Variants in TAOK3 observed in about 807,000 individuals in gnomAD.
TAOK3 encodes serine/threonine-protein kinase TAO3.
In TAOK3, 40 loss-of-function variants were observed where a neutral mutation model predicts 120.4. That is an observed-to-expected ratio of 0.33 (90% CI 0.26 to 0.43). The LOEUF is 0.43. TAOK3 is among the 20% of genes least tolerant of loss of function. TAOK3 has a pLI of 1.00. For missense variants in TAOK3, 821 were observed against 1,112.1 expected, an observed-to-expected ratio of 0.74 and a Z score of 3.72; for synonymous variants, 355 against 387.5, an observed-to-expected ratio of 0.92 and a Z score of 0.99.
At chr12:118,267,225 AT>A (rs2041488808) in intron 1 of TAOK3, among the ~76,000 whole-genome samples, 1 of 151,576 alleles carries the variant, frequency 6.6e-6, no homozygotes, top group East Asian at 1.9e-4. Flanking sequence ...TTATTTATTT[AT>A]TTTTTTTGAG....
chr12:118,303,544 T>C (rs949584952), intron 1 of TAOK3, among the ~76,000 whole-genome samples: 1 of 152,250 alleles, frequency 6.6e-6, no homozygotes, highest in Non-Finnish European at 1.5e-5. Flanking sequence ...TTAACGTCCA[T>C]TTACAAACTT....
chr12:118,208,062 T>C (rs1434342409), intron 11 of TAOK3, among the ~76,000 whole-genome samples: 1 of 152,212 alleles, frequency 6.6e-6, no homozygotes, highest in African/African-American at 2.4e-5. Context: ...AATGTTATTG[T>C]CCATCTACTT....
intron 1 of TAOK3, among the ~76,000 whole-genome samples, chr12:118,284,561 G>A (rs1433277571): frequency 6.6e-6 from 1 of 152,176 alleles, no homozygotes; most frequent in Non-Finnish European, 1.5e-5. Flanking sequence ...ATGGGAGAAA[G>A]ATAATGACTG....
At chr12:118,331,876 G>C (rs1458724166) in intron 1 of TAOK3, among the ~76,000 whole-genome samples, 1 of 146,104 alleles carries the variant, frequency 6.8e-6, no homozygotes. Flanking sequence ...ACCCAGGCTC[G>C]AGTGCAATGG....
intron 1 of TAOK3, among the ~76,000 whole-genome samples, chr12:118,321,398 C>T (rs774493252): frequency 6.6e-6 from 1 of 152,074 alleles, no homozygotes. Flanking sequence ...GAAGCTGGGG[C>T]TACTGGTGCA....
chr12:118,252,509 T>C (rs2040799405), intron 3 of TAOK3, among the ~76,000 whole-genome samples: 1 of 152,118 alleles, frequency 6.6e-6, no homozygotes, highest in Non-Finnish European at 1.5e-5. Context: ...GTGGTGTTTT[T>C]ACACAGAGAT....
chr12:118,243,173 A>G (rs140802217), intron 5 of TAOK3, among the ~76,000 whole-genome samples: 2,356 of 152,254 alleles, frequency 0.015, 112 homozygotes, highest in Admixed American at 0.097. Context: ...AATGATGTCA[A>G]CTTTTCACCA....
chr12:118,331,404 G>A (rs1566129002), intron 1 of TAOK3, among the ~76,000 whole-genome samples: 1 of 152,104 alleles, frequency 6.6e-6, no homozygotes, highest in Admixed American at 6.5e-5. Context: ...CAGCACTTTG[G>A]GAGGCCGAGG....
At chr12:118,191,796 T>C (rs1033111193) in intron 13 of TAOK3, among the ~76,000 whole-genome samples, 10 of 152,272 alleles carry the variant, frequency 6.6e-5, no homozygotes, top group Middle Eastern at 6.8e-3. Flanking sequence ...ATGTACAAAA[T>C]TCAACTTAAT....
chr12:118,214,210 C>T (rs2038770309), intron 9 of TAOK3, 100 bp from the exon 10 acceptor site: 4 of 850,176 alleles, frequency 4.7e-6, no homozygotes, highest in Non-Finnish European at 5.5e-6. Flanking sequence ...AAATCAATAG[C>T]TCATTACTGT....
At position 118,161,116 on chromosome 12, in the gene TAOK3, T is replaced by A. The variant is rs563730367; in HGVS notation, c.2139+672A>T. On this transcript the variant is annotated intron_variant, in intron 18 of 20. Coordinates refer to ENST00000392533, the MANE Select transcript of TAOK3 (RefSeq NM_016281.4). This position sits in a 1 kb window ranked among gnomAD's most constrained non-coding sequence, Gnocchi z 4.5. ...ATGGTGATAGAAATCATTGCTTAGC[T>A]TAGAATTTGACTGAAGAGACGCATA... Among the ~76,000 whole-genome samples the A allele has an allele frequency of 2.0e-5, 3 of 152,318 alleles. No individual in the cohort carries two copies. In the South Asian group the frequency reaches 6.2e-4, roughly 32 times the overall value.
At chr12:118,170,335 G>A (rs1409472266) in intron 17 of TAOK3, among the ~76,000 whole-genome samples, 1 of 152,096 alleles carries the variant, frequency 6.6e-6, no homozygotes, top group African/African-American at 2.4e-5. Context: ...CACCCCAACA[G>A]GAACCCACTT....
chr12:118,161,894 T>C lies in TAOK3; in HGVS notation c.2033A>G (p.Gln678Arg). Reference sequence around the variant, plus strand: ...CTGGTTTTCCAGTTCCGTCTGGTGCTGTAAACGGATCAGATCCATGCGTAG... The same window carrying C: ...CTGGTTTTCCAGTTCCGTCTGGTGCCGTAAACGGATCAGATCCATGCGTAG... ...QKLRMDLIRLQHQTELENQLE... is the reference protein window; with the variant it reads ...QKLRMDLIRLRHQTELENQLE... Residue 678 changes from glutamine (Q) to arginine (R), a missense_variant, in exon 18 of 21, where the codon CAG becomes CGG. By Grantham distance (43) the Gln-to-Arg change is conservative. This residue lies in a region of TAOK3 where 354 missense variants were observed against 572.1 expected (regional missense o/e 0.62). Transcript: ENST00000392533. The surrounding 1 kb of genome is among the most constrained non-coding windows in gnomAD (Gnocchi z 4.5). The C allele has an allele frequency of 6.2e-7, 1 of 1,614,206 alleles. No individual in the cohort carries two copies. Among genetic ancestry groups the C allele is most frequent in the Non-Finnish European group, 8.5e-7 (1 of 1,180,044 alleles).
intron 1 of TAOK3, among the ~76,000 whole-genome samples, chr12:118,324,989 G>A (rs1392188169): frequency 6.6e-6 from 1 of 151,652 alleles, no homozygotes; most frequent in Non-Finnish European, 1.5e-5. Flanking sequence ...CTTGTGATCC[G>A]CCCGCCTCGG....
In TAOK3 at chr12:118,239,241, G is replaced by C. The variant is rs1227433523; in HGVS notation, c.326C>G (p.Ser109Cys). Residue 109 changes from serine to cysteine, a missense_variant, in exon 6 of 21, where the codon TCT becomes TGT. Ser to Cys is a moderately radical substitution (Grantham distance 112). Transcript: ENST00000392533. ...LVMEYCLGSA[S>C]DLLEVHKKPL... is the part of the protein sequence containing the mutation. Reference sequence around the variant, plus strand: ...TTCTTTCTTACCTTCTAATAAATCAGAGGCTGAGCCTAAGCAATATTCCAT... The same window carrying C: ...TTCTTTCTTACCTTCTAATAAATCACAGGCTGAGCCTAAGCAATATTCCAT... 1 of 1,545,088 alleles carries C rather than the reference G, an allele frequency of 6.5e-7. No homozygotes were observed. Among genetic ancestry groups the C allele is most frequent in the African/African-American group, 1.4e-5 (1 of 73,600 alleles).
At chr12:118,152,012 A>C (rs78035345) in intron 20 of TAOK3, among the ~76,000 whole-genome samples, 1 of 152,296 alleles carries the variant, frequency 6.6e-6, no homozygotes, top group African/African-American at 2.4e-5. Flanking sequence ...GAGCAGAAGA[A>C]AGACTTAGGA....
chr12:118,223,128 G>A (rs1025186971), intron 9 of TAOK3, among the ~76,000 whole-genome samples: 6 of 146,256 alleles, frequency 4.1e-5, no homozygotes, highest in Non-Finnish European at 7.4e-5. Context: ...GGAGTGCAGC[G>A]GCGTGATCTC....
chr12:118,212,769 G>A (rs948122714), intron 11 of TAOK3, 145 bp downstream of exon 11: 12 of 551,174 alleles, frequency 2.2e-5, no homozygotes, highest in African/African-American at 2.1e-4. Context: ...CTATTTCTAT[G>A]CCTAGCTACT....
intron 12 of TAOK3, chr12:118,200,960 A>G (rs2037990225): frequency 1.1e-5 from 2 of 181,494 alleles, no homozygotes; most frequent in Non-Finnish European, 2.3e-5. Context: ...TAATCTTCCT[A>G]AAGCACAACA....
Sources: gnomAD v4.1 joint callset for allele counts (sites outside exome capture counted in the v4.1 genomes callset) on GRCh38, gnomAD v4.1.1 for gene constraint, gnomAD v4.1.1 regional missense constraint, Gnocchi (gnomAD v3.1) non-coding constraint, MANE v1.5 for transcripts, NCBI Gene and HGNC (gene_info 2026-07-23, HGNC 2026-07-21) for gene names.